GPC6: variants seen among roughly 807,000 people sequenced by gnomAD.
The protein encoded by GPC6 is glypican-6.
In GPC6, 14 loss-of-function variants were observed where a neutral mutation model predicts 55.2. That is an observed-to-expected ratio of 0.25 (90% CI 0.17 to 0.40). The LOEUF is 0.40. GPC6 is among the 10% of genes least tolerant of loss of function. The pLI, the probability that GPC6 is intolerant of heterozygous loss-of-function variation, is 1.00. For synonymous variants in GPC6, 278 were observed against 259.6 expected, an observed-to-expected ratio of 1.07 and a Z score of -0.68; for missense variants, 641 against 708.5, an observed-to-expected ratio of 0.90 and a Z score of 1.08.
At chr13:94,196,762 A>G (rs1177805070) in intron 4 of GPC6, among the ~76,000 whole-genome samples, 1 of 152,166 alleles carries the variant, frequency 6.6e-6, no homozygotes, top group Non-Finnish European at 1.5e-5. Flanking sequence ...GTTCATTTTC[A>G]ATTTCTTCCC....
intron 3 of GPC6, among the ~76,000 whole-genome samples, chr13:93,961,050 G>C (rs1265673639): frequency 6.6e-6 from 1 of 151,972 alleles, no homozygotes; most frequent in Non-Finnish European, 1.5e-5. Context: ...TCCTGACCTC[G>C]TGATCCGCCT....
intron 6 of GPC6, among the ~76,000 whole-genome samples, chr13:94,314,744 C>T (rs1252813567): frequency 6.6e-6 from 1 of 152,224 alleles, no homozygotes; most frequent in African/African-American, 2.4e-5. Context: ...GATGTTCATG[C>T]TTATGAGAGA....
At chr13:93,624,536 A>T (rs1253632120) in intron 2 of GPC6, among the ~76,000 whole-genome samples, 2 of 152,248 alleles carry the variant, frequency 1.3e-5, no homozygotes, top group African/African-American at 4.8e-5. Context: ...AAAAACCAGC[A>T]TCCTTGTGGT....
chr13:94,083,892 G>A (rs1885193173), intron 4 of GPC6, among the ~76,000 whole-genome samples: 1 of 152,170 alleles, frequency 6.6e-6, no homozygotes, highest in Admixed American at 6.5e-5. Context: ...CTACTGACAT[G>A]AGAATAAACA....
chr13:93,503,368 C>G (rs148246208), intron 1 of GPC6, among the ~76,000 whole-genome samples: 126 of 152,208 alleles, frequency 8.3e-4, no homozygotes, highest in African/African-American at 2.8e-3. Flanking sequence ...TATAAAGGAC[C>G]AGACAGTAAA....
intron 4 of GPC6, among the ~76,000 whole-genome samples, chr13:94,048,679 A>T (rs1883821336): frequency 6.6e-6 from 1 of 151,948 alleles, no homozygotes; most frequent in Admixed American, 6.6e-5. Context: ...GACAAGAAAA[A>T]CATTGTCATT....
At position 93,472,785 on chromosome 13, in the gene GPC6, C is replaced by T. The variant is rs78719447; in HGVS notation, c.161-72478C>T. On this transcript the variant is annotated intron_variant, in intron 1 of 8. Transcript: ENST00000377047. ...TTTTAGCTTTGCCATTCAGTAGGTC[C>T]GAGTTCTTCTCTTGCAACCAGGAAG... Among the ~76,000 whole-genome samples the T allele has an allele frequency of 6.3e-3, 964 of 152,286 alleles. 18 individuals are homozygous for T. The highest frequency in any genetic ancestry group is 0.022 in the African/African-American group (900 of 41,572).
At chr13:94,168,852 G>A (rs538601057) in intron 4 of GPC6, among the ~76,000 whole-genome samples, 6 of 151,412 alleles carry the variant, frequency 4.0e-5, no homozygotes, top group East Asian at 1.9e-4. Flanking sequence ...AAACACTTTC[G>A]TGGGCCCTGG....
At chr13:93,609,497 C>T (rs1878378819) in intron 2 of GPC6, among the ~76,000 whole-genome samples, 2 of 152,240 alleles carry the variant, frequency 1.3e-5, no homozygotes, top group African/African-American at 4.8e-5. Context: ...CTTGGCCTCT[C>T]ACAGTGCTGG....
intron 1 of GPC6, among the ~76,000 whole-genome samples, chr13:93,402,353 T>C (rs952742752): frequency 2.0e-5 from 3 of 152,098 alleles, no homozygotes; most frequent in African/African-American, 7.2e-5. Context: ...CAAAACTCAG[T>C]GTTTGTAGCA....
intron 2 of GPC6, among the ~76,000 whole-genome samples, chr13:93,624,424 A>C (rs1879105260): frequency 6.6e-6 from 1 of 152,210 alleles, no homozygotes; most frequent in African/African-American, 2.4e-5. Flanking sequence ...AGGGCTTTAT[A>C]CGTCTCAATT....
intron 4 of GPC6, among the ~76,000 whole-genome samples, chr13:94,110,062 TAAAAAAAAA>T (rs78404632): frequency 4.1e-4 from 35 of 84,624 alleles, no homozygotes; most frequent in African/African-American, 1.3e-3. Context: ...CACCCTGGAC[TAAAAAAAAA>T]AAAAAAAAAA....
chr13:93,856,614 G>A (rs1026884046), intron 3 of GPC6, among the ~76,000 whole-genome samples: 5 of 151,654 alleles, frequency 3.3e-5, no homozygotes, highest in African/African-American at 1.2e-4. Flanking sequence ...GGCTTGGGAA[G>A]AACCTAGATA....
chr13:93,545,421 G>T lies in GPC6; in HGVS notation c.319G>T (p.Glu107Ter), dbSNP rs183576975. Residue 107 changes from glutamate (E) to a stop codon, truncating the protein, a stop_gained and splice_region_variant, in exon 2 of 9, where the codon GAA (glutamate) becomes TAA (stop). Transcript: ENST00000377047. LOFTEE classifies it high-confidence loss of function. ...TFVSRHKKFD[E>*]FFRELLENAE... ...TGTGTCCAGGCATAAGAAATTTGAC[G>T]GTAGGTGAAATGGTTTTCACTTCAG... 6.2e-7 allele frequency: 1 copy of T among 1,612,578 alleles called. No individual in the cohort carries two copies.
chr13:94,143,562 T>C (rs1887457386), intron 4 of GPC6, among the ~76,000 whole-genome samples: 1 of 150,938 alleles, frequency 6.6e-6, no homozygotes, highest in Non-Finnish European at 1.5e-5. Flanking sequence ...AGATGCCATT[T>C]ATGTGGTTCC....
intron 4 of GPC6, 69 bp from the exon 5 acceptor site, chr13:94,286,280 T>C: frequency 6.5e-7 from 1 of 1,546,078 alleles, no homozygotes; most frequent in Non-Finnish European, 8.9e-7. Flanking sequence ...GTTTTAACAA[T>C]GTTTAAACAC....
intron 3 of GPC6, among the ~76,000 whole-genome samples, chr13:93,998,835 CT>C (rs565721628): frequency 6.6e-6 from 1 of 152,010 alleles, no homozygotes; most frequent in African/African-American, 2.4e-5. Context: ...ACATACCTAT[CT>C]TTTTTTGTGG....
intron 4 of GPC6, among the ~76,000 whole-genome samples, chr13:94,171,903 C>A (rs1247941458): frequency 2.6e-5 from 4 of 152,138 alleles, no homozygotes; most frequent in Non-Finnish European, 5.9e-5. Flanking sequence ...GTGGCAGAAG[C>A]TCCATATGGA....
chr13:93,838,739 A>G (rs1328045407), intron 3 of GPC6, among the ~76,000 whole-genome samples: 4 of 152,132 alleles, frequency 2.6e-5, no homozygotes, highest in Non-Finnish European at 5.9e-5. Context: ...TCAAAGCAGC[A>G]TGGAGCAGAT....
Sources: gnomAD v4.1 joint callset for allele counts (sites outside exome capture counted in the v4.1 genomes callset) on GRCh38, gnomAD v4.1.1 for gene constraint, MANE v1.5 for transcripts, NCBI Gene and HGNC (gene_info 2026-07-23, HGNC 2026-07-21) for gene names.